Variants in PRKG1 observed in about 807,000 individuals in gnomAD.
PRKG1 encodes the protein cGMP-dependent protein kinase 1.
PRKG1 carries 35 observed loss-of-function variants against 88.1 expected under a neutral mutation model. The ratio of observed to expected loss-of-function variants is 0.40; its 90% CI spans 0.30 to 0.53. PRKG1 has a LOEUF of 0.53. Among genes scored for constraint, PRKG1 ranks in the 20% least tolerant of loss-of-function variants. The pLI, the probability that PRKG1 is intolerant of heterozygous loss-of-function variation, is 0.59. For synonymous variants in PRKG1, 303 were observed against 292.5 expected (o/e 1.04, Z -0.37); for missense variants, 540 against 839.8 (o/e 0.64, Z 4.41).
chr10:51,348,880 AT>A (rs766892289), intron 2 of PRKG1, among the ~76,000 whole-genome samples: 3 of 151,714 alleles, frequency 2.0e-5, no homozygotes, highest in Admixed American at 1.3e-4. Context: ...GTTCTTTTTC[AT>A]TTTTTTTCCC....
intron 9 of PRKG1, among the ~76,000 whole-genome samples, chr10:52,224,413 A>G (rs1840326411): frequency 6.6e-6 from 1 of 150,740 alleles, no homozygotes. Context: ...TTGTTCCCAC[A>G]CTCCCTAGTA....
chr10:52,188,300 A>G (rs1438858508), intron 9 of PRKG1, among the ~76,000 whole-genome samples: 2 of 117,382 alleles, frequency 1.7e-5, no homozygotes, highest in Admixed American at 9.0e-5. Flanking sequence ...GTATATATAT[A>G]TGTATATATA....
chr10:51,283,094 C>T (rs1216965660), intron 2 of PRKG1, among the ~76,000 whole-genome samples: 2 of 152,108 alleles, frequency 1.3e-5, no homozygotes, highest in Non-Finnish European at 2.9e-5. Context: ...CCCTGTTCAA[C>T]ATTTCTATAT....
At chr10:51,502,122 G>A (rs188524554) in intron 3 of PRKG1, among the ~76,000 whole-genome samples, 9 of 152,270 alleles carry the variant, frequency 5.9e-5, no homozygotes, top group East Asian at 3.9e-4. Flanking sequence ...GTCTGAATCC[G>A]TATTAGGAAT....
intron 3 of PRKG1, among the ~76,000 whole-genome samples, chr10:51,518,159 G>A (rs1411185682): frequency 5.9e-5 from 9 of 151,972 alleles, no homozygotes; most frequent in South Asian, 4.2e-4. Flanking sequence ...CACCACACTC[G>A]GCTAATTTTT....
chr10:52,068,437 C>A (rs893535029), intron 7 of PRKG1, among the ~76,000 whole-genome samples: 2 of 152,126 alleles, frequency 1.3e-5, no homozygotes, highest in African/African-American at 4.8e-5. Flanking sequence ...CTAAGAGATC[C>A]AGTTCAGAGC....
chr10:51,359,364 G>A (rs1188673269), intron 2 of PRKG1, among the ~76,000 whole-genome samples: 1 of 151,734 alleles, frequency 6.6e-6, no homozygotes, highest in Non-Finnish European at 1.5e-5. Context: ...TGATGGATGG[G>A]AAAACAAACT....
intron 2 of PRKG1, among the ~76,000 whole-genome samples, chr10:51,446,541 T>A (rs2132760229): frequency 6.6e-6 from 1 of 152,172 alleles, no homozygotes; most frequent in East Asian, 1.9e-4. Context: ...CAAAGCATTT[T>A]AAGGTTTCTG....
chr10:51,135,623 C>T (rs938227287), intron 1 of PRKG1, among the ~76,000 whole-genome samples: 12 of 152,132 alleles, frequency 7.9e-5, no homozygotes, highest in Non-Finnish European at 1.2e-4. Flanking sequence ...AATGATAAGA[C>T]GGTGCATCAG....
chr10:51,297,265 C>A (rs1422369111), intron 2 of PRKG1, among the ~76,000 whole-genome samples: 2 of 152,040 alleles, frequency 1.3e-5, no homozygotes, highest in East Asian at 3.8e-4. Flanking sequence ...TGTGAATCAA[C>A]TTGTTCTCTA....
intron 8 of PRKG1, among the ~76,000 whole-genome samples, chr10:52,156,704 A>G (rs189805221): frequency 7.2e-5 from 11 of 152,008 alleles, no homozygotes; most frequent in Middle Eastern, 3.4e-3. Context: ...AACAAACATA[A>G]GAACACTTGA....
At chr10:51,332,278 G>A (rs901267823) in intron 2 of PRKG1, among the ~76,000 whole-genome samples, 17 of 152,096 alleles carry the variant, frequency 1.1e-4, no homozygotes, top group Non-Finnish European at 1.8e-4. Context: ...AAATTCACAG[G>A]AGTTCCATGT....
intron 2 of PRKG1, among the ~76,000 whole-genome samples, chr10:51,338,067 C>T (rs915982437): frequency 6.6e-6 from 1 of 151,902 alleles, no homozygotes; most frequent in Non-Finnish European, 1.5e-5. Context: ...TACTATGCAG[C>T]CATATGGAGC....
At chr10:52,217,760 G>T (rs1840147833) in intron 9 of PRKG1, among the ~76,000 whole-genome samples, 1 of 152,100 alleles carries the variant, frequency 6.6e-6, no homozygotes. Flanking sequence ...AGCCCTGTTG[G>T]TAGTATAGAC....
chr10:51,907,578 T>A lies in PRKG1; in HGVS notation c.762+8T>A. 1 of 1,611,430 alleles carries A rather than the reference T, an allele frequency of 6.2e-7. No individual in the cohort carries two copies. On this transcript the variant is annotated splice_region_variant and intron_variant, in intron 5 of 17. Coordinates refer to ENST00000373980, the MANE Select transcript of PRKG1 (RefSeq NM_006258.4). ...GCTGATGTCCTTGAAGAGGTAATTG[T>A]TTTTAGCCTTTGAACTTTTTGAGAT...
chr10:51,281,517 C>T lies in PRKG1; in HGVS notation c.478+128187C>T, dbSNP rs113340274. Among the ~76,000 whole-genome samples, 719 of 152,282 alleles carry T rather than the reference C, an allele frequency of 4.7e-3. 6 individuals carry two copies. The highest frequency in any genetic ancestry group is 0.016 in the African/African-American group (679 of 41,550). On this transcript the variant is annotated intron_variant, in intron 2 of 17. Coordinates refer to ENST00000373980, the MANE Select transcript of PRKG1 (RefSeq NM_006258.4). ...TGCAAGGCTGGGGGAGGGGTGCCCGCCATTGCTCAGGCTTGAGTAGGTAAA... is the reference window on the plus strand; with the variant it reads ...TGCAAGGCTGGGGGAGGGGTGCCCGTCATTGCTCAGGCTTGAGTAGGTAAA...
intron 3 of PRKG1, among the ~76,000 whole-genome samples, chr10:51,480,319 G>A (rs1350846139): frequency 6.6e-6 from 1 of 152,114 alleles, no homozygotes; most frequent in Non-Finnish European, 1.5e-5. Flanking sequence ...CTTTGCCAAA[G>A]GTGTTCTTAT....
chr10:52,112,961 A>G (rs980760248), intron 7 of PRKG1, among the ~76,000 whole-genome samples: 3 of 152,200 alleles, frequency 2.0e-5, no homozygotes, highest in Non-Finnish European at 4.4e-5. Context: ...ACCTCGAGTA[A>G]GATTACCTGA....
chr10:51,372,254 T>C (rs1299428160), intron 2 of PRKG1, among the ~76,000 whole-genome samples: 1 of 152,200 alleles, frequency 6.6e-6, no homozygotes, highest in Admixed American at 6.5e-5. Flanking sequence ...CCATATTTTA[T>C]TAAATTTAAT....
Sources: gnomAD v4.1 joint callset for allele counts (sites outside exome capture counted in the v4.1 genomes callset) on GRCh38, gnomAD v4.1.1 for gene constraint, MANE v1.5 for transcripts, NCBI Gene and HGNC (gene_info 2026-07-23, HGNC 2026-07-21) for gene names.